The following PBXIP1 variants were observed in gnomAD, a reference collection of about 807,000 sequenced individuals.
The protein encoded by PBXIP1 is pre-B-cell leukemia transcription factor-interacting protein 1.
Under a neutral mutation model 73.7 loss-of-function variants are expected in PBXIP1, and 73 were observed. The observed-to-expected ratio is 0.99, with a 90% CI of 0.82 to 1.20. The LOEUF is 1.20. Among genes scored for constraint, PBXIP1 ranks in the 50% most tolerant of loss-of-function variants. The pLI, the probability that PBXIP1 is intolerant of heterozygous loss-of-function variation, is 0.00. For synonymous variants in PBXIP1, 330 were observed against 366.9 expected (o/e 0.90, Z 1.15); for missense variants, 818 against 911.4 (o/e 0.90, Z 1.32).
intron 9 of PBXIP1, 72 bp downstream of exon 9, chr1:154,947,344 TG>T: frequency 6.5e-7 from 1 of 1,545,846 alleles, no homozygotes; most frequent in Non-Finnish European, 8.9e-7. Context: ...ACATTCCTTT[TG>T]GGGGAGGATG....
In PBXIP1 at chr1:154,953,692, G is replaced by A. The variant is rs780238453; in HGVS notation, c.30C>T (p.Ser10=). 15 of 1,613,264 alleles carry A rather than the reference G, an allele frequency of 9.3e-6. No individual in the cohort carries two copies. Among genetic ancestry groups the A allele is most frequent in the Non-Finnish European group, 1.3e-5 (15 of 1,179,412 alleles). ...CTACCTCGGAGCCAGCAAGCACCCA[G>A]CTATTATCAGAGTCTGGGCAGGAGG... MASCPDSDN[S]WVLAGSESLP... The change falls in exon 2 of 11, where the codon AGC becomes AGT. Residue 10 remains serine, a synonymous_variant. Coordinates refer to ENST00000368463, the MANE Select transcript of PBXIP1 (RefSeq NM_020524.4).
At position 154,951,537 on chromosome 1, in the gene PBXIP1, T is replaced by C; in HGVS notation, c.179-2A>G. ...GGCTTTCAGTCTGGAAGAGCGTCCC[T>C]GCGGTAGGAGAAAAGGCGCAGAAAA... On this transcript the variant is annotated splice_acceptor_variant, in intron 3 of 10. Coordinates refer to ENST00000368463, the MANE Select transcript of PBXIP1 (RefSeq NM_020524.4). LOFTEE classifies it high-confidence loss of function. The surrounding 1 kb of genome is among the most constrained non-coding windows in gnomAD (Gnocchi z 4.3). 6.2e-7 allele frequency: 1 copy of C among 1,613,028 alleles called. No individual in the cohort carries two copies. Among genetic ancestry groups the C allele is most frequent in the Non-Finnish European group, 8.5e-7 (1 of 1,179,402 alleles).
rs1655011672 is a variant in PBXIP1, at chr1:154,951,745, A to G, written c.178+50T>C. 3 of 1,595,792 alleles carry G rather than the reference A, an allele frequency of 1.9e-6. No homozygotes were observed. Among genetic ancestry groups the G allele is most frequent in the Non-Finnish European group, 2.6e-6 (3 of 1,172,638 alleles). On this transcript the variant is annotated intron_variant, in intron 3 of 10. Transcript: ENST00000368463. The surrounding 1 kb of genome is among the most constrained non-coding windows in gnomAD (Gnocchi z 4.3). ...TGAGGAAACTGAGAAACCCCAAAATATGGAGAATAGCTTTGTCCGGTAAGC... is the reference window on the plus strand; with the variant it reads ...TGAGGAAACTGAGAAACCCCAAAATGTGGAGAATAGCTTTGTCCGGTAAGC...
intron 8 of PBXIP1, 30 bp downstream of exon 8, chr1:154,947,612 C>A: frequency 1.2e-6 from 2 of 1,612,232 alleles, no homozygotes; most frequent in Non-Finnish European, 1.7e-6. Context: ...CAGCCAGGCC[C>A]CACCTGCCTC....
In PBXIP1 at chr1:154,951,755, G is replaced by C; in HGVS notation, c.178+40C>G. The C allele has an allele frequency of 6.2e-7, 1 of 1,604,002 alleles. No homozygotes were observed. The highest frequency in any genetic ancestry group is 8.5e-7 in the Non-Finnish European group (1 of 1,176,286). On this transcript the variant is annotated intron_variant, in intron 3 of 10. Coordinates refer to ENST00000368463, the MANE Select transcript of PBXIP1 (RefSeq NM_020524.4). This position sits in a 1 kb window ranked among gnomAD's most constrained non-coding sequence, Gnocchi z 4.3. The stretch of plus-strand genomic sequence containing the variant: ...GAGAAACCCCAAAATATGGAGAATA[G>C]CTTTGTCCGGTAAGCTATGTCCTAA...
At position 154,945,087 on chromosome 1, in the gene PBXIP1, G is replaced by A; in HGVS notation, c.2133C>T (p.Ser711=). 2 of 1,614,036 alleles carry A rather than the reference G, an allele frequency of 1.2e-6. No homozygotes were observed. Among genetic ancestry groups the A allele is most frequent in the Non-Finnish European group, 1.7e-6 (2 of 1,179,894 alleles). ...RSGKKDKHSQ[S]PRAAGPREGH... ...CCTCCCTGGGCCCCGCAGCTCTTGG[G>A]CTCTGTGAGTGCTTGTCCTTCTTCC... Residue 711 remains serine, a synonymous_variant, in exon 11 of 11, where the codon AGC becomes AGT. Coordinates refer to ENST00000368463, the MANE Select transcript of PBXIP1 (RefSeq NM_020524.4).
intron 10 of PBXIP1, 64 bp from the exon 11 acceptor site, chr1:154,945,181 A>G (rs1236449764): frequency 1.6e-6 from 2 of 1,216,230 alleles, no homozygotes; most frequent in African/African-American, 1.5e-5. Context: ...CCCCAAGGAG[A>G]GAGGACCCTG....
At chr1:154,952,184 A>G (rs1388939849) in intron 2 of PBXIP1, among the ~76,000 whole-genome samples, 1 of 152,154 alleles carries the variant, frequency 6.6e-6, no homozygotes, top group African/African-American at 2.4e-5. Context: ...GCTAGAGCCT[A>G]CGTTTCCCTC....
chr1:154,945,726 G>A lies in PBXIP1; in HGVS notation c.1948C>T (p.Arg650Cys), dbSNP rs771506695. The A allele has an allele frequency of 2.0e-5, 33 of 1,614,122 alleles. No individual in the cohort carries two copies. Among genetic ancestry groups the A allele is most frequent in the Non-Finnish European group, 2.4e-5 (28 of 1,180,042 alleles). The change falls in exon 10 of 11, where the codon CGT (arginine) becomes TGT (cysteine). Residue 650 changes from arginine (R) to cysteine (C), a missense_variant. Physicochemically the swap from Arg to Cys is radical, Grantham distance 180. Coordinates refer to ENST00000368463, the MANE Select transcript of PBXIP1 (RefSeq NM_020524.4). Reference protein sequence around the residue: ...PAFFGEDGIFRHDRLRFRDFV... With the variant: ...PAFFGEDGIFCHDRLRFRDFV... ...TCCCGGAAGCGGAGGCGGTCATGACGGAAGATGCCATCCTCACCAAAGAAA... is the reference window on the plus strand; with the variant it reads ...TCCCGGAAGCGGAGGCGGTCATGACAGAAGATGCCATCCTCACCAAAGAAA...
chr1:154,946,900 G>GT (rs1472332375), intron 9 of PBXIP1, 97 bp from the exon 10 acceptor site: 3 of 1,264,400 alleles, frequency 2.4e-6, no homozygotes, highest in Non-Finnish European at 3.2e-6. Flanking sequence ...TAGTGGGCAG[G>GT]TGGCCTGAGC....
In PBXIP1 at chr1:154,944,265, G is replaced by A. The variant is rs1169391159; in HGVS notation, c.*759C>T. ...ATCTCCCAGGGGTGGGGCCAAGGCA[G>A]CTGTGAGCAAAAGGAGAAGTATCAG... On this transcript the variant is annotated 3_prime_UTR_variant, in exon 11 of 11. Coordinates refer to ENST00000368463, the MANE Select transcript of PBXIP1 (RefSeq NM_020524.4). 1 of 152,314 alleles carries A rather than the reference G, an allele frequency of 6.6e-6. No individual in the cohort carries two copies. Among genetic ancestry groups the A allele is most frequent in the African/African-American group, 2.4e-5 (1 of 41,428 alleles). 9.4% of individuals were successfully genotyped at this position (152,314 alleles called of 1,614,324 possible).
In PBXIP1 at chr1:154,944,905, T is replaced by A. The variant is rs1654748028; in HGVS notation, c.*119A>T. On this transcript the variant is annotated 3_prime_UTR_variant, in exon 11 of 11. Coordinates refer to ENST00000368463, the MANE Select transcript of PBXIP1 (RefSeq NM_020524.4). ...TGCAGGGCTGGTGATTTTGCTCTACTGTGTGAAAGATATCTGAGGACACCA... is the reference window on the plus strand; with the variant it reads ...TGCAGGGCTGGTGATTTTGCTCTACAGTGTGAAAGATATCTGAGGACACCA... 5.1e-6 allele frequency: 4 copies of A among 778,210 alleles called. No homozygotes were observed. The highest frequency in any genetic ancestry group is 1.7e-5 in the African/African-American group (1 of 58,442). The allele number at this position is 778,210 out of a possible 1,614,324, so 48.2% of individuals were successfully genotyped here.
rs1654819815 is a variant in PBXIP1, at chr1:154,946,357, T to A, written c.1317A>T (p.Lys439Asn). 6.2e-7 allele frequency: 1 copy of A among 1,613,730 alleles called. No homozygotes were observed. ...GGCCCCAGTTCTCCAGGCCCTGCAG[T>A]TTCTGGGCCAATCTGTGGCCCAGCT... ...LAELGHRLAQ[K>N]LQGLENWGQD... Residue 439 changes from lysine to asparagine, a missense_variant, in exon 10 of 11, where the codon AAA becomes AAT. Physicochemically the swap from Lys to Asn is moderately conservative, Grantham distance 94 (BLOSUM62 0). Transcript: ENST00000368463.
chr1:154,945,435 A>G (rs1654769282), intron 10 of PBXIP1, 137 bp downstream of exon 10: 2 of 920,894 alleles, frequency 2.2e-6, no homozygotes, highest in Non-Finnish European at 3.3e-6. Context: ...GGAAGAAAGG[A>G]AGCGGACCTG....
chr1:154,949,726 A>G (rs1654947831), intron 5 of PBXIP1, among the ~76,000 whole-genome samples: 1 of 152,098 alleles, frequency 6.6e-6, no homozygotes, highest in Non-Finnish European at 1.5e-5. Flanking sequence ...TGTTTCATGT[A>G]CCATGTGGAA....
intron 8 of PBXIP1, 41 bp from the exon 9 acceptor site, chr1:154,947,589 C>A: frequency 6.2e-7 from 1 of 1,606,982 alleles, no homozygotes; most frequent in East Asian, 2.2e-5. Flanking sequence ...TACCCCACAG[C>A]CCAGGTTCTC....
At chr1:154,949,974 C>CTATTTT (rs904431970) in intron 5 of PBXIP1, among the ~76,000 whole-genome samples, 1 of 151,980 alleles carries the variant, frequency 6.6e-6, no homozygotes, top group Admixed American at 6.5e-5. Flanking sequence ...CACACCCAGC[C>CTATTTT]TATTTTTATT....
chr1:154,945,682 C>G lies in PBXIP1; in HGVS notation c.1992G>C (p.Glu664Asp), dbSNP rs1188415685. Residue 664 changes from glutamate (E) to aspartate (D), a missense_variant, in exon 10 of 11, where the codon GAG becomes GAC. Physicochemically the swap from Glu to Asp is conservative, Grantham distance 45. Transcript: ENST00000368463. ...GCACAGCCACCTCCTCCAAGCTGTC[C>G]TCCAGGGCATCCACAAAATCCCGGA... ...LRFRDFVDAL[E>D]DSLEEVAVQQ... 1 of 1,614,104 alleles carries G rather than the reference C, an allele frequency of 6.2e-7. No individual in the cohort carries two copies. Among genetic ancestry groups the G allele is most frequent in the Non-Finnish European group, 8.5e-7 (1 of 1,180,040 alleles).
At chr1:154,949,716 T>C (rs1419400190) in intron 5 of PBXIP1, among the ~76,000 whole-genome samples, 1 of 152,100 alleles carries the variant, frequency 6.6e-6, no homozygotes, top group Non-Finnish European at 1.5e-5. Context: ...ATACCATGTA[T>C]GTTTCATGTA....
Sources: gnomAD v4.1 joint callset for allele counts (sites outside exome capture counted in the v4.1 genomes callset) on GRCh38, gnomAD v4.1.1 for gene constraint, Gnocchi (gnomAD v3.1) non-coding constraint, MANE v1.5 for transcripts, NCBI Gene and HGNC (gene_info 2026-07-23, HGNC 2026-07-21) for gene names.